GRID2: variants seen among roughly 807,000 people sequenced by gnomAD.
GRID2 encodes the protein glutamate receptor ionotropic, delta-2.
GRID2 carries 33 observed loss-of-function variants against 114.8 expected under a neutral mutation model. The observed-to-expected ratio is 0.29, with a 90% CI of 0.22 to 0.38. The LOEUF (loss-of-function observed/expected upper bound fraction) is 0.38. Ranked by LOEUF, GRID2 falls within the 10% of genes least tolerant of loss-of-function variation. The pLI is 1.00. For missense variants in GRID2, 1,184 were observed against 1,257.7 expected (o/e 0.94, Z 0.89); for synonymous variants, 505 against 449.9 (o/e 1.12, Z -1.55).
intron 11 of GRID2, among the ~76,000 whole-genome samples, chr4:93,475,857 C>T (rs1725272646): frequency 6.6e-6 from 1 of 152,004 alleles, no homozygotes. Context: ...TGGCTTAGGC[C>T]TCACTATAAT....
intron 1 of GRID2, among the ~76,000 whole-genome samples, chr4:92,306,356 A>G (rs1725408080): frequency 6.6e-6 from 1 of 152,228 alleles, no homozygotes; most frequent in Non-Finnish European, 1.5e-5. Flanking sequence ...AACAGTGCCT[A>G]CAGATTCAGA....
At chr4:93,632,186 A>G (rs1181555575) in intron 14 of GRID2, among the ~76,000 whole-genome samples, 1 of 152,124 alleles carries the variant, frequency 6.6e-6, no homozygotes, top group Non-Finnish European at 1.5e-5. Context: ...CTCTGATGGT[A>G]GTTTCTTTTG....
At chr4:93,334,096 T>C (rs562557702) in intron 8 of GRID2, among the ~76,000 whole-genome samples, 18 of 152,302 alleles carry the variant, frequency 1.2e-4, no homozygotes, top group African/African-American at 4.1e-4. Flanking sequence ...GTCTTTGCCC[T>C]AGGGAATTCA....
rs367615859 is a variant in GRID2, at chr4:93,421,483, C to T, written c.1348-1288C>T. 5.1e-4 allele frequency among the ~76,000 whole-genome samples: 77 copies of T among 152,124 alleles called. 1 individual carries two copies. Among genetic ancestry groups the T allele is most frequent in the African/African-American group, 1.8e-3 (75 of 41,476 alleles). On this transcript the variant is annotated intron_variant, in intron 9 of 15. Transcript: ENST00000282020. ...TTTTCAAAATTAGAAAATGTAAGTA[C>T]CTTAGATAACCAAGATTAAAGAAAT...
chr4:92,769,141 G>T (rs1260419919), intron 2 of GRID2, among the ~76,000 whole-genome samples: 1 of 152,178 alleles, frequency 6.6e-6, no homozygotes, highest in African/African-American at 2.4e-5. Flanking sequence ...GGTAAATGCA[G>T]CCATTCCAAA....
chr4:93,299,149 C>T (rs1320192814), intron 8 of GRID2, among the ~76,000 whole-genome samples: 1 of 152,162 alleles, frequency 6.6e-6, no homozygotes, highest in Admixed American at 6.5e-5. Flanking sequence ...CATTTAGGTT[C>T]TGTACCTGAC....
chr4:93,031,818 A>C (rs1724467731), intron 2 of GRID2, among the ~76,000 whole-genome samples: 1 of 152,044 alleles, frequency 6.6e-6, no homozygotes, highest in Admixed American at 6.6e-5. Context: ...CTAAAACAGT[A>C]GGGTAAGGTT....
intron 8 of GRID2, among the ~76,000 whole-genome samples, chr4:93,327,087 C>T (rs911297833): frequency 2.0e-5 from 3 of 152,104 alleles, no homozygotes; most frequent in Admixed American, 2.0e-4. Flanking sequence ...AACCAGTCTT[C>T]AGGCCTCTTC....
chr4:92,480,665 A>G (rs1722542965), intron 1 of GRID2, among the ~76,000 whole-genome samples: 3 of 152,092 alleles, frequency 2.0e-5, no homozygotes, highest in African/African-American at 7.2e-5. Flanking sequence ...CTTTGGCTGC[A>G]CTGGTTTTCC....
chr4:92,874,254 A>C (rs188436441), intron 2 of GRID2, among the ~76,000 whole-genome samples: 2 of 152,132 alleles, frequency 1.3e-5, no homozygotes, highest in African/African-American at 2.4e-5. Context: ...TGTAACTTCA[A>C]ATGTTGTAGC....
At chr4:93,047,497 T>C (rs947764507) in intron 2 of GRID2, among the ~76,000 whole-genome samples, 16 of 151,142 alleles carry the variant, frequency 1.1e-4, no homozygotes, top group African/African-American at 3.6e-4. Context: ...TGTACTGTTA[T>C]ATTTGGACTG....
rs186717487 is a variant in GRID2 at position 93,378,951 on chromosome 4, A to G, written c.1246-16656A>G. Among the ~76,000 whole-genome samples, 111 of 152,208 alleles carry G rather than the reference A, an allele frequency of 7.3e-4. 1 individual carries two copies. The East Asian group carries it at 0.014, about 20-fold the overall frequency. On this transcript the variant is annotated intron_variant, in intron 8 of 15. Coordinates refer to ENST00000282020, the MANE Select transcript of GRID2 (RefSeq NM_001510.4). The stretch of plus-strand genomic sequence containing the variant: ...ATCCCTTGGATAATTCCTGCTGTAT[A>G]TAGAGGTCCAAGATTGATTAATGAT...
intron 13 of GRID2, among the ~76,000 whole-genome samples, chr4:93,589,641 A>G (rs961994997): frequency 6.6e-6 from 1 of 151,730 alleles, no homozygotes; most frequent in Non-Finnish European, 1.5e-5. Flanking sequence ...GACTTCCACA[A>G]TGGTTGAACT....
chr4:93,615,184 C>T (rs73841808), intron 13 of GRID2, among the ~76,000 whole-genome samples: 6 of 152,140 alleles, frequency 3.9e-5, no homozygotes, highest in Admixed American at 3.3e-4. Flanking sequence ...TTAGTTCCAG[C>T]TCTCCAAAAA....
At chr4:93,623,970 T>G (rs1742452645) in intron 13 of GRID2, among the ~76,000 whole-genome samples, 1 of 152,156 alleles carries the variant, frequency 6.6e-6, no homozygotes, top group African/African-American at 2.4e-5. Flanking sequence ...TCTTTTGTAA[T>G]TATGCATCTG....
chr4:92,657,654 A>T (rs182212486), intron 2 of GRID2, among the ~76,000 whole-genome samples: 13 of 151,914 alleles, frequency 8.6e-5, no homozygotes, highest in Admixed American at 1.3e-4. Context: ...AAAGCAAAAA[A>T]CAAAATTAAA....
Position 92,829,239 on chromosome 4 carries a change from G to C in GRID2, c.244+238953G>C, listed in dbSNP as rs531267579. Among the ~76,000 whole-genome samples the C allele has an allele frequency of 5.3e-5, 8 of 152,240 alleles. No individual in the cohort carries two copies. In the South Asian group the frequency reaches 1.7e-3, roughly 32 times the overall value. On this transcript the variant is annotated intron_variant, in intron 2 of 15. Transcript: ENST00000282020. ...GTTTTCTGTTTTCTGCATATGGCTA[G>C]CCAGTTTTCCCAGCACCATTTATTA...
At chr4:93,382,383 T>C (rs534045323) in intron 8 of GRID2, among the ~76,000 whole-genome samples, 1 of 152,210 alleles carries the variant, frequency 6.6e-6, no homozygotes, top group African/African-American at 2.4e-5. Context: ...CACTTGATGG[T>C]GTACCAATGG....
chr4:92,313,363 G>A (rs1187107103), intron 1 of GRID2, among the ~76,000 whole-genome samples: 1 of 151,926 alleles, frequency 6.6e-6, no homozygotes, highest in African/African-American at 2.4e-5. Flanking sequence ...AACAAATATG[G>A]TGCAGTGTGT....
Sources: allele counts gnomAD v4.1 joint callset (sites outside exome capture counted in the v4.1 genomes callset), GRCh38; gene constraint gnomAD v4.1.1; transcripts MANE v1.5; gene names NCBI Gene and HGNC (gene_info 2026-07-23, HGNC 2026-07-21).